CYP3A5: variants seen among roughly 807,000 people sequenced by gnomAD.
The protein encoded by CYP3A5 is cytochrome P450 3A5.
Under a neutral mutation model 55.9 loss-of-function variants are expected in CYP3A5, and 51 were observed. The ratio of observed to expected loss-of-function variants is 0.91; its 90% CI spans 0.73 to 1.15. CYP3A5 has a LOEUF of 1.15. Among genes scored for constraint, CYP3A5 ranks in the 50% most tolerant of loss-of-function variants. The pLI, the probability that CYP3A5 is intolerant of heterozygous loss-of-function variation, is 0.00. For missense variants in CYP3A5, 533 were observed against 596.6 expected, an observed-to-expected ratio of 0.89 and a Z score of 1.11; for synonymous variants, 196 against 213.9, an observed-to-expected ratio of 0.92 and a Z score of 0.73.
chr7:99,665,624 G>T (rs187522415), intron 6 of CYP3A5, among the ~76,000 whole-genome samples: 1 of 152,300 alleles, frequency 6.6e-6, no homozygotes, highest in East Asian at 1.9e-4. Flanking sequence ...GTTGAGTGTG[G>T]ATGATATAAG....
chr7:99,660,138 A>G (rs1018723375), intron 10 of CYP3A5: 3 of 787,122 alleles, frequency 3.8e-6, no homozygotes, highest in Non-Finnish European at 4.6e-6. Context: ...TGCAGAAATC[A>G]TTCGTCTTCT....
At chr7:99,665,139 G>A (rs752541639) in intron 7 of CYP3A5, 27 bp downstream of exon 7, 1 of 1,540,876 alleles carries the variant, frequency 6.5e-7, no homozygotes, top group Non-Finnish European at 8.8e-7. Flanking sequence ...TTTTTAAAAA[G>A]AGAGAAAGAA....
Position 99,659,510 on chromosome 7 carries a change from T to A in CYP3A5, c.1026+989A>T, listed in dbSNP as rs186374755. On this transcript the variant is annotated intron_variant, in intron 10 of 12. Transcript: ENST00000222982. Reference sequence around the variant, plus strand: ...ACTGGGGGGTGCCTCCCAGTTAGGCTGCTCGGGGGTCAGGGACCCACTTGA... The same window carrying A: ...ACTGGGGGGTGCCTCCCAGTTAGGCAGCTCGGGGGTCAGGGACCCACTTGA... 624 of 154,950 alleles carry A rather than the reference T, an allele frequency of 4.0e-3. 11 individuals are homozygous for A. Among genetic ancestry groups the A allele is most frequent in the African/African-American group, 0.012 (517 of 41,404 alleles). The allele number at this position is 154,950 out of a possible 1,614,324, so 9.6% of individuals were successfully genotyped here.
At chr7:99,669,556 A>G (rs1271353818) in intron 4 of CYP3A5, among the ~76,000 whole-genome samples, 50 of 152,220 alleles carry the variant, frequency 3.3e-4, no homozygotes, top group Admixed American at 3.3e-3. Context: ...TCACCAGACT[A>G]TAGCCAGGAG....
intron 1 of CYP3A5, chr7:99,676,595 AT>A (rs571100674): frequency 2.2e-5 from 30 of 1,339,834 alleles, no homozygotes; most frequent in Non-Finnish European, 2.7e-5. Flanking sequence ...AAAGAGTAAG[AT>A]TTTTTTTGTC....
Position 99,670,648 on chromosome 7 carries a change from T to C in CYP3A5, c.318+1932A>G, listed in dbSNP as rs541897776. Among the ~76,000 whole-genome samples the C allele has an allele frequency of 6.6e-5, 10 of 152,354 alleles. No individual in the cohort carries two copies. In the South Asian group the frequency reaches 1.4e-3, roughly 22 times the overall value. On this transcript the variant is annotated intron_variant, in intron 4 of 12. Coordinates refer to ENST00000222982, the MANE Select transcript of CYP3A5 (RefSeq NM_000777.5). ...TTGATTTTGCCTCTTTACTGGACTT[T>C]TGTAAGACCTGTCTTCCCAATGACA...
intron 10 of CYP3A5, among the ~76,000 whole-genome samples, chr7:99,657,145 T>C (rs2151381959): frequency 1.3e-5 from 2 of 152,338 alleles, no homozygotes; most frequent in Middle Eastern, 6.8e-3. Context: ...TGTTTGCTCC[T>C]GCTTCTCTAG....
intron 11 of CYP3A5, 130 bp from the exon 12 acceptor site, chr7:99,650,362 CT>C: frequency 1.2e-6 from 1 of 817,932 alleles, no homozygotes; most frequent in Non-Finnish European, 1.9e-6. Flanking sequence ...CTTTTGTGGG[CT>C]GGTCATTGAA....
Position 99,660,214 on chromosome 7 carries a change from CTTTTTTTTT to C in CYP3A5, c.1026+276_1026+284del, listed in dbSNP as rs34318418. ...GTTTGGCCATCTTCTCGCCACACTC[CTTTTTTTTT>C]TTTTTTTTTTTTTTTTTTTTTTACT... On this transcript the variant is annotated intron_variant, in intron 10 of 12. Transcript: ENST00000222982. 9.6e-4 allele frequency: 413 copies of C among 429,890 alleles called. 1 individual carries two copies. The highest frequency in any genetic ancestry group is 6.1e-3 in the South Asian group (53 of 8,634). 26.6% of individuals were successfully genotyped at this position (429,890 alleles called of 1,614,324 possible).
intron 1 of CYP3A5, among the ~76,000 whole-genome samples, chr7:99,679,289 T>C (rs1479255404): frequency 6.6e-6 from 1 of 152,108 alleles, no homozygotes; most frequent in Non-Finnish European, 1.5e-5. Context: ...CCATGAAGTC[T>C]TGGTGTCCCC....
Position 99,660,607 on chromosome 7 carries a change from G to A in CYP3A5, c.918C>T (p.Gly306=). ...AAAGAACACTGCTGGTGGTTTCATA[G>A]CCAGCAAAAATGAAGATTATTGACT... ...AAQSIIFIFA[G]YETTSSVLSF... Residue 306 remains glycine, a synonymous_variant, in exon 10 of 13, where the codon GGC becomes GGT. Coordinates refer to ENST00000222982, the MANE Select transcript of CYP3A5 (RefSeq NM_000777.5). 1 of 1,613,976 alleles carries A rather than the reference G, an allele frequency of 6.2e-7. No individual in the cohort carries two copies. Among genetic ancestry groups the A allele is most frequent in the Admixed American group, 1.7e-5 (1 of 60,002 alleles).
At chr7:99,654,245 A>C (rs12334077) in intron 10 of CYP3A5, among the ~76,000 whole-genome samples, 43,040 of 151,862 alleles carry the variant, frequency 0.28, 12,039 homozygotes, top group African/African-American at 0.72. Flanking sequence ...TCCCACCCCA[A>C]AACAGGCCCC....
chr7:99,672,475 C>G, intron 4 of CYP3A5, 105 bp downstream of exon 4: 1 of 978,724 alleles, frequency 1.0e-6, no homozygotes, highest in Non-Finnish European at 1.6e-6. Context: ...ATGGAACCTT[C>G]CTGTACATTT....
chr7:99,650,033 TAAA>T (rs1332662665), intron 12 of CYP3A5, 37 bp downstream of exon 12: 1 of 1,609,224 alleles, frequency 6.2e-7, no homozygotes, highest in African/African-American at 1.3e-5. Context: ...ACCCTTCAGT[TAAA>T]AAAATTCTTA....
In CYP3A5 at chr7:99,675,635, T is replaced by C. The variant is rs183432404; in HGVS notation, c.165+480A>G. Among the ~76,000 whole-genome samples the C allele has an allele frequency of 2.4e-3, 43 of 17,704 alleles. 4 individuals carry two copies. Among genetic ancestry groups the C allele is most frequent in the African/African-American group, 4.7e-3 (14 of 2,982 alleles). The allele number at this position is 17,704 out of a possible 152,430, so 11.6% of individuals were successfully genotyped here. Reference sequence around the variant, plus strand: ...CTCTCTCCTCTCCTTTTCTCTCCTCTCCTCTCCTCCCCCCTCCCCTCCCCT... The same window carrying C: ...CTCTCTCCTCTCCTTTTCTCTCCTCCCCTCTCCTCCCCCCTCCCCTCCCCT... On this transcript the variant is annotated intron_variant, in intron 2 of 12. Coordinates refer to ENST00000222982, the MANE Select transcript of CYP3A5 (RefSeq NM_000777.5).
chr7:99,678,335 G>A (rs1812494144), intron 1 of CYP3A5, among the ~76,000 whole-genome samples: 1 of 152,154 alleles, frequency 6.6e-6, no homozygotes, highest in Non-Finnish European at 1.5e-5. Context: ...TGAGAGCTGA[G>A]GAATATTTTC....
chr7:99,676,504 A>T, intron 1 of CYP3A5: 1 of 1,386,480 alleles, frequency 7.2e-7, no homozygotes, highest in Non-Finnish European at 9.6e-7. Flanking sequence ...TCAGGCAGGA[A>T]TTCTTCCAGG....
At chr7:99,660,255 T>G (rs1810294694) in intron 10 of CYP3A5, 1 of 879,002 alleles carries the variant, frequency 1.1e-6, no homozygotes, top group Non-Finnish European at 1.4e-6. Context: ...TACTTAGCAT[T>G]ATTGTGATAA....
chr7:99,665,247 TGA>T lies in CYP3A5; in HGVS notation c.587_588del (p.Leu196GlnfsTer12), dbSNP rs1234678621. On this transcript the variant is annotated frameshift_variant, in exon 7 of 13. Transcript: ENST00000222982. LOFTEE classifies it high-confidence loss of function. ...TCCACAAAGGGGTCTTGTGGATTGT[TGA>T]GAGAGTCGATGTTCACTCCAAATGA... ...GTSFGVNIDS[L>X]NNPQDPFVES... 13 of 1,614,102 alleles carry T rather than the reference TGA, an allele frequency of 8.1e-6. No homozygotes were observed. Among genetic ancestry groups the T allele is most frequent in the East Asian group, 4.5e-5 (2 of 44,904 alleles).
Sources: gnomAD v4.1 joint callset for allele counts (sites outside exome capture counted in the v4.1 genomes callset) on GRCh38, gnomAD v4.1.1 for gene constraint, MANE v1.5 for transcripts, NCBI Gene and HGNC (gene_info 2026-07-23, HGNC 2026-07-21) for gene names.